Variants in GRIK2 observed in about 807,000 individuals in gnomAD.
GRIK2 encodes glutamate ionotropic receptor kainate type subunit 2.
A neutral mutation model predicts 100.3 loss-of-function variants in GRIK2; 32 were observed. The observed-to-expected ratio is 0.32, with a 90% CI of 0.24 to 0.43. The LOEUF (loss-of-function observed/expected upper bound fraction) is 0.43, where lower values mean the gene tolerates loss of function less well. GRIK2 is among the 20% of genes least tolerant of loss of function. GRIK2 has a pLI of 1.00. For synonymous variants in GRIK2, 417 were observed against 389.4 expected (o/e 1.07, Z -0.83); for missense variants, 843 against 1,114.9 (o/e 0.76, Z 3.47).
rs139061967 is a variant in GRIK2 at position 101,752,976 on chromosome 6, T to A, written c.952-46672T>A. 8.5e-3 allele frequency among the ~76,000 whole-genome samples: 1,299 copies of A among 152,250 alleles called. 12 individuals are homozygous for A. Among genetic ancestry groups the A allele is most frequent in the Non-Finnish European group, 0.012 (813 of 68,006 alleles). Reference sequence around the variant, plus strand: ...TTTGAATTATTGGTCTGCAATATGGTAAAACTGAATATTTTAAATCAAGAC... The same window carrying A: ...TTTGAATTATTGGTCTGCAATATGGAAAAACTGAATATTTTAAATCAAGAC... On this transcript the variant is annotated intron_variant, in intron 7 of 16. Transcript: ENST00000369134.
At chr6:101,684,719 ATTT>A (rs11418216) in intron 6 of GRIK2, among the ~76,000 whole-genome samples, 2 of 138,916 alleles carry the variant, frequency 1.4e-5, no homozygotes, top group Admixed American at 7.2e-5. Context: ...GAAAATCTGG[ATTT>A]TTTTTTTTTT....
chr6:101,605,660 A>G (rs2128311516), intron 2 of GRIK2, among the ~76,000 whole-genome samples: 1 of 152,166 alleles, frequency 6.6e-6, no homozygotes, highest in Middle Eastern at 3.4e-3. Context: ...CCTAGGTGAC[A>G]AGAGTAAAAC....
At position 101,665,108 on chromosome 6, in the gene GRIK2, T is replaced by A. The variant is rs368277157; in HGVS notation, c.542-11515T>A. On this transcript the variant is annotated intron_variant, in intron 4 of 16. Coordinates refer to ENST00000369134, the MANE Select transcript of GRIK2 (RefSeq NM_021956.5). Reference sequence around the variant, plus strand: ...GCTGGAATCACAGATACACTCCATATAACACCTCAGTTTAGCCCTGGCTAT... The same window carrying A: ...GCTGGAATCACAGATACACTCCATAAAACACCTCAGTTTAGCCCTGGCTAT... 4.1e-4 allele frequency among the ~76,000 whole-genome samples: 62 copies of A among 152,302 alleles called. 1 individual carries two copies. Among genetic ancestry groups the A allele is most frequent in the African/African-American group, 1.5e-3 (62 of 41,572 alleles).
intron 2 of GRIK2, among the ~76,000 whole-genome samples, chr6:101,424,486 A>G (rs1776593764): frequency 6.6e-6 from 1 of 151,680 alleles, no homozygotes; most frequent in Admixed American, 6.6e-5. Flanking sequence ...ATGTCCCTAC[A>G]AAGGACATGA....
At chr6:101,746,950 T>C (rs557784345) in intron 7 of GRIK2, among the ~76,000 whole-genome samples, 3 of 152,354 alleles carry the variant, frequency 2.0e-5, no homozygotes, top group South Asian at 4.1e-4. Context: ...TCTATCTGTG[T>C]CATATCTATT....
intron 4 of GRIK2, among the ~76,000 whole-genome samples, chr6:101,655,431 C>A (rs1160701606): frequency 6.6e-6 from 1 of 152,062 alleles, no homozygotes; most frequent in Non-Finnish European, 1.5e-5. Flanking sequence ...TTCTTAAGAA[C>A]AATTACTCAC....
At position 101,823,253 on chromosome 6, in the gene GRIK2, C is replaced by T. The variant is rs188869657; in HGVS notation, c.1317+4770C>T. Among the ~76,000 whole-genome samples the T allele has an allele frequency of 9.5e-4, 145 of 152,220 alleles. 1 individual carries two copies. The highest frequency in any genetic ancestry group is 3.2e-3 in the African/African-American group (135 of 41,564). On this transcript the variant is annotated intron_variant, in intron 10 of 16. Coordinates refer to ENST00000369134, the MANE Select transcript of GRIK2 (RefSeq NM_021956.5). ...TGCAATGTTTACACATGTTTTTACT[C>T]CACTTTAATAACATGACCTAGACCC...
chr6:101,964,464 G>T (rs150381419), intron 14 of GRIK2, among the ~76,000 whole-genome samples: 2 of 152,254 alleles, frequency 1.3e-5, no homozygotes, highest in South Asian at 2.1e-4. Context: ...GGGAAATGAA[G>T]GAGAACTAGA....
At chr6:101,591,680 A>T (rs185128484) in intron 2 of GRIK2, among the ~76,000 whole-genome samples, 1 of 152,088 alleles carries the variant, frequency 6.6e-6, no homozygotes, top group African/African-American at 2.4e-5. Context: ...TACTGTTAAC[A>T]TATTAACAGT....
intron 7 of GRIK2, among the ~76,000 whole-genome samples, chr6:101,747,610 T>C (rs569651262): frequency 6.6e-6 from 1 of 152,180 alleles, no homozygotes; most frequent in African/African-American, 2.4e-5. Context: ...TATATGTACA[T>C]CTTAATTTAT....
At chr6:101,795,716 A>C (rs1029810192) in intron 7 of GRIK2, among the ~76,000 whole-genome samples, 3 of 152,212 alleles carry the variant, frequency 2.0e-5, no homozygotes, top group African/African-American at 7.2e-5. Context: ...CACGGACACC[A>C]GCAGTGGTGA....
intron 2 of GRIK2, among the ~76,000 whole-genome samples, chr6:101,484,515 C>T (rs184018809): frequency 2.7e-4 from 40 of 149,014 alleles, no homozygotes; most frequent in Middle Eastern, 3.5e-3. Flanking sequence ...ATTTTTATAA[C>T]ATTTAAAATG....
intron 12 of GRIK2, among the ~76,000 whole-genome samples, chr6:101,919,787 T>C (rs759799482): frequency 3.3e-5 from 5 of 151,746 alleles, no homozygotes; most frequent in Non-Finnish European, 5.9e-5. Context: ...GTATTAGAAG[T>C]TCAAAAATGG....
intron 14 of GRIK2, among the ~76,000 whole-genome samples, chr6:101,987,933 T>C (rs1794110017): frequency 2.0e-5 from 3 of 151,726 alleles, no homozygotes; most frequent in African/African-American, 7.2e-5. Context: ...AGATTCCAAG[T>C]CCATAACGTG....
intron 2 of GRIK2, among the ~76,000 whole-genome samples, chr6:101,435,953 T>C (rs1769692307): frequency 6.6e-6 from 1 of 152,152 alleles, no homozygotes; most frequent in African/African-American, 2.4e-5. Flanking sequence ...TCCTAATTTG[T>C]TTCTTTATTC....
intron 16 of GRIK2, among the ~76,000 whole-genome samples, chr6:102,061,787 C>T (rs538503416): frequency 9.3e-5 from 14 of 150,306 alleles, no homozygotes; most frequent in Non-Finnish European, 1.9e-4. Flanking sequence ...ACATAACTGG[C>T]TTATAACAAG....
intron 2 of GRIK2, among the ~76,000 whole-genome samples, chr6:101,616,666 T>C (rs1164136106): frequency 6.6e-6 from 1 of 151,716 alleles, no homozygotes; most frequent in Admixed American, 6.6e-5. Flanking sequence ...ATCCTGTAAG[T>C]AGAATTAGTG....
chr6:101,849,051 T>C (rs567377654), intron 10 of GRIK2, among the ~76,000 whole-genome samples: 2 of 151,690 alleles, frequency 1.3e-5, no homozygotes, highest in Non-Finnish European at 2.9e-5. Flanking sequence ...TGAAATCAAA[T>C]AAAAATAATA....
At chr6:101,598,801 GTCC>G (rs745760903) in intron 2 of GRIK2, among the ~76,000 whole-genome samples, 35 of 151,594 alleles carry the variant, frequency 2.3e-4, no homozygotes, top group Admixed American at 1.1e-3. Context: ...AGGCTATTAT[GTCC>G]TCATTTTGGT....
Sources: gnomAD v4.1 joint callset for allele counts (sites outside exome capture counted in the v4.1 genomes callset) on GRCh38, gnomAD v4.1.1 for gene constraint, MANE v1.5 for transcripts, NCBI Gene and HGNC (gene_info 2026-07-23, HGNC 2026-07-21) for gene names.